Variants in WDPCP observed in about 807,000 individuals in gnomAD.
WDPCP encodes the protein WD repeat-containing and planar cell polarity effector protein fritz homolog.
In WDPCP, 71 loss-of-function variants were observed where a neutral mutation model predicts 93.1. The ratio of observed to expected loss-of-function variants is 0.76; its 90% CI spans 0.63 to 0.93. WDPCP has a LOEUF of 0.93. WDPCP is among the 40% of genes least tolerant of loss of function. WDPCP has a pLI of 0.00. For missense variants in WDPCP, 844 were observed against 887.4 expected (o/e 0.95, Z 0.62); for synonymous variants, 315 against 315.0 (o/e 1.00, Z 0.00).
intron 1 of WDPCP, among the ~76,000 whole-genome samples, chr2:63,559,047 A>C (rs960610546): frequency 6.6e-6 from 1 of 152,216 alleles, no homozygotes; most frequent in African/African-American, 2.4e-5. Context: ...AATACTGGCA[A>C]ACCGAATCCA....
chr2:63,529,040 A>C (rs534736839), intron 1 of WDPCP, among the ~76,000 whole-genome samples: 1 of 152,208 alleles, frequency 6.6e-6, no homozygotes. Context: ...TATAAGAATG[A>C]CTGTGATTTT....
the WDPCP span, among the ~76,000 whole-genome samples, chr2:63,838,005 A>G: frequency 6.6e-6 from 1 of 152,126 alleles, no homozygotes; most frequent in Admixed American, 6.5e-5. Flanking sequence ...CTGAGGCAGG[A>G]GAATCCAGCT....
rs140158940 is a variant in WDPCP at position 63,601,310 on chromosome 2, T to G, written n.488+49349A>C. Among the ~76,000 whole-genome samples, 25 of 152,336 alleles carry G rather than the reference T, an allele frequency of 1.6e-4. 1 individual carries two copies. The East Asian group carries it at 4.6e-3, about 28-fold the overall frequency. On this transcript the variant is annotated intron_variant and non_coding_transcript_variant, in intron 3 of 4. Coordinates refer to the WDPCP transcript ENST00000467687. Reference sequence around the variant, plus strand: ...GGACTGGTTGCTAGATATTTTTGTCTTGGAATTCAGAGGCCTTAGCGACTT... The same window carrying G: ...GGACTGGTTGCTAGATATTTTTGTCGTGGAATTCAGAGGCCTTAGCGACTT...
intron 2 of WDPCP, among the ~76,000 whole-genome samples, chr2:63,763,917 C>G (rs1466374965): frequency 6.6e-6 from 1 of 152,108 alleles, no homozygotes; most frequent in African/African-American, 2.4e-5. Flanking sequence ...TCTATGACCT[C>G]AGTGATGACT....
intron 2 of WDPCP, among the ~76,000 whole-genome samples, chr2:63,687,058 T>A (rs1186356365): frequency 2.0e-5 from 3 of 152,192 alleles, no homozygotes; most frequent in Non-Finnish European, 4.4e-5. Context: ...ACACTAACAC[T>A]AATGATAGCT....
At chr2:63,138,516 A>G (rs956112779) in intron 17 of WDPCP, among the ~76,000 whole-genome samples, 3 of 150,256 alleles carry the variant, frequency 2.0e-5, no homozygotes, top group East Asian at 2.0e-4. Context: ...CAGTGGTGCA[A>G]TCTCGGCTCA....
At chr2:63,527,690 G>A (rs1486030888) in intron 1 of WDPCP, among the ~76,000 whole-genome samples, 2 of 152,042 alleles carry the variant, frequency 1.3e-5, no homozygotes, top group African/African-American at 4.8e-5. Context: ...ACGTGTGCAT[G>A]TGTCTTTATA....
intron 1 of WDPCP, among the ~76,000 whole-genome samples, chr2:63,817,611 G>C (rs1670955758): frequency 6.6e-6 from 1 of 152,022 alleles, no homozygotes; most frequent in East Asian, 1.9e-4. Flanking sequence ...TATTGTCTAT[G>C]GCTGCTTTCA....
chr2:63,510,957 C>G (rs887138052), intron 1 of WDPCP, among the ~76,000 whole-genome samples: 3 of 152,174 alleles, frequency 2.0e-5, no homozygotes, highest in African/African-American at 7.2e-5. Flanking sequence ...GCCTGGATGA[C>G]AGAGCAAGAC....
chr2:63,485,688 T>C (rs1196496408), intron 4 of WDPCP, among the ~76,000 whole-genome samples: 1 of 151,850 alleles, frequency 6.6e-6, no homozygotes, highest in Non-Finnish European at 1.5e-5. Context: ...AAAATAGTTC[T>C]GTTTAAAATA....
Position 63,199,858 on chromosome 2 carries a change from C to A in WDPCP, c.1916-25026G>T, listed in dbSNP as rs13431939. Reference sequence around the variant, plus strand: ...TACACGAATAACTTGTACTGTGCACCTGGAAAAACCACAGGCACTCAACAG... The same window carrying A: ...TACACGAATAACTTGTACTGTGCACATGGAAAAACCACAGGCACTCAACAG... On this transcript the variant is annotated intron_variant, in intron 14 of 17. Coordinates refer to ENST00000272321, the MANE Select transcript of WDPCP (RefSeq NM_015910.7). 5.4e-3 allele frequency among the ~76,000 whole-genome samples: 830 copies of A among 152,302 alleles called. 4 individuals are homozygous for A. The highest frequency in any genetic ancestry group is 0.019 in the African/African-American group (774 of 41,564).
chr2:63,589,743 G>T (rs1709125959), upstream of WDPCP, among the ~76,000 whole-genome samples: 1 of 152,144 alleles, frequency 6.6e-6, no homozygotes, highest in African/African-American at 2.4e-5. Context: ...TGGAAGACCT[G>T]GGTAACCTGC....
At chr2:63,717,041 C>T in intron 2 of WDPCP, 1 of 264,056 alleles carries the variant, frequency 3.8e-6, no homozygotes, top group Non-Finnish European at 7.3e-6. Context: ...GGTATGACCT[C>T]TGGAGAGGCA....
chr2:63,701,802 C>G (rs1467854313), intron 2 of WDPCP, among the ~76,000 whole-genome samples: 2 of 152,006 alleles, frequency 1.3e-5, no homozygotes, highest in Non-Finnish European at 2.9e-5. Context: ...TAAAAAGTGA[C>G]TATCATGAAA....
intron 13 of WDPCP, among the ~76,000 whole-genome samples, chr2:63,266,046 T>C (rs929150974): frequency 2.6e-5 from 4 of 152,190 alleles, no homozygotes; most frequent in Non-Finnish European, 5.9e-5. Context: ...CCACAGCTAA[T>C]GTCATACTCA....
At chr2:63,520,680 C>T (rs1449190200) in intron 1 of WDPCP, among the ~76,000 whole-genome samples, 1 of 151,946 alleles carries the variant, frequency 6.6e-6, no homozygotes, top group Admixed American at 6.6e-5. Flanking sequence ...TCACTTGAGC[C>T]CAGGAGTTTG....
intron 6 of WDPCP, among the ~76,000 whole-genome samples, chr2:63,479,506 A>G (rs1002914184): frequency 6.6e-6 from 1 of 152,194 alleles, no homozygotes; most frequent in Non-Finnish European, 1.5e-5. Flanking sequence ...TGGGTTTCAT[A>G]CCAGGGATGC....
intron 2 of WDPCP, among the ~76,000 whole-genome samples, chr2:63,720,426 A>C (rs1669398905): frequency 6.6e-6 from 1 of 150,612 alleles, no homozygotes; most frequent in Non-Finnish European, 1.5e-5. Context: ...TAAAAAAAAA[A>C]AAAAACAAAA....
intron 1 of WDPCP, among the ~76,000 whole-genome samples, chr2:63,575,498 A>G (rs1030591065): frequency 1.1e-5 from 1 of 88,406 alleles, no homozygotes; most frequent in African/African-American, 4.2e-5. Flanking sequence ...TAGTATATAC[A>G]GTATATACAC....
Sources: gnomAD v4.1 joint callset for allele counts (sites outside exome capture counted in the v4.1 genomes callset) on GRCh38, gnomAD v4.1.1 for gene constraint, MANE v1.5 for transcripts, NCBI Gene and HGNC (gene_info 2026-07-23, HGNC 2026-07-21) for gene names.